The following DPYSL3 variants were observed in gnomAD, a reference collection of about 807,000 sequenced individuals.
DPYSL3 encodes dihydropyrimidinase like 3, also known as dihydropyrimidinase-related protein 3.
DPYSL3 carries 16 observed loss-of-function variants against 66.1 expected under a neutral mutation model. That is an observed-to-expected ratio of 0.24 (90% CI 0.16 to 0.37). The LOEUF (loss-of-function observed/expected upper bound fraction) is 0.37. Ranked by LOEUF, DPYSL3 falls within the 10% of genes least tolerant of loss-of-function variation. The pLI is 1.00. For synonymous variants in DPYSL3, 338 were observed against 345.1 expected (o/e 0.98, Z 0.23); for missense variants, 738 against 916.2 (o/e 0.81, Z 2.51).
intron 1 of DPYSL3, among the ~76,000 whole-genome samples, chr5:147,486,134 A>C (rs1241511388): frequency 6.6e-6 from 1 of 152,234 alleles, no homozygotes; most frequent in Non-Finnish European, 1.5e-5. Context: ...TTTATATAAA[A>C]TATCCAGAAT....
chr5:147,506,665 AC>A (rs952196861), intron 1 of DPYSL3, among the ~76,000 whole-genome samples: 13 of 152,182 alleles, frequency 8.5e-5, no homozygotes, highest in Non-Finnish European at 1.6e-4. Flanking sequence ...CATACATGTA[AC>A]GGGCATTAAA....
chr5:147,436,242 C>T (rs1752413379), intron 1 of DPYSL3, among the ~76,000 whole-genome samples: 1 of 152,056 alleles, frequency 6.6e-6, no homozygotes, highest in South Asian at 2.1e-4. Context: ...CAGCCCAGGC[C>T]CTGAATAGCC....
Position 147,475,561 on chromosome 5 carries a change from A to G in DPYSL3, c.381+33917T>C, listed in dbSNP as rs370351650. Among the ~76,000 whole-genome samples the G allele has an allele frequency of 5.3e-5, 8 of 152,282 alleles. No homozygotes were observed. In the East Asian group the frequency reaches 1.2e-3, roughly 22 times the overall value. ...GAAACAAAGATTAAAATCCTAAAAC[A>G]AATTGCTCAAAATGGAAAATTATTC... On this transcript the variant is annotated intron_variant, in intron 1 of 13. Coordinates refer to ENST00000343218, the MANE Select transcript of DPYSL3 (RefSeq NM_001197294.2).
chr5:147,462,263 CTG>C (rs1752944753), intron 1 of DPYSL3, among the ~76,000 whole-genome samples: 1 of 152,154 alleles, frequency 6.6e-6, no homozygotes, highest in Admixed American at 6.5e-5. Context: ...AACAGAAAAA[CTG>C]TACACATGAA....
At chr5:147,456,384 A>G (rs1752852780) in intron 1 of DPYSL3, among the ~76,000 whole-genome samples, 1 of 152,162 alleles carries the variant, frequency 6.6e-6, no homozygotes, top group Non-Finnish European at 1.5e-5. Flanking sequence ...GAAGATGTAG[A>G]AATAGACTTG....
At chr5:147,481,309 A>G (rs940603124) in intron 1 of DPYSL3, among the ~76,000 whole-genome samples, 1 of 152,218 alleles carries the variant, frequency 6.6e-6, no homozygotes, top group African/African-American at 2.4e-5. Flanking sequence ...CATATGATAG[A>G]ATACACTACA....
intron 1 of DPYSL3, among the ~76,000 whole-genome samples, chr5:147,497,289 T>C (rs946582113): frequency 6.6e-6 from 1 of 151,356 alleles, no homozygotes; most frequent in Non-Finnish European, 1.5e-5. Context: ...TTAGGAGATA[T>C]ACCTAATGCT....
chr5:147,503,537 T>A (rs1435215134), intron 1 of DPYSL3, among the ~76,000 whole-genome samples: 1 of 152,056 alleles, frequency 6.6e-6, no homozygotes, highest in African/African-American at 2.4e-5. Flanking sequence ...AAGCAATCCT[T>A]CTGCCTTGGC....
chr5:147,500,764 A>C lies in DPYSL3; in HGVS notation c.381+8714T>G, dbSNP rs370754787. On this transcript the variant is annotated intron_variant, in intron 1 of 13. Transcript: ENST00000343218. ...AAAATTGCAAATTAAAACAACAATG[A>C]GATACCACTACACACCTAGTAGAAT... is the stretch of plus-strand genomic sequence containing the variant. 1.6e-3 allele frequency among the ~76,000 whole-genome samples: 250 copies of C among 152,340 alleles called. 1 individual carries two copies. Among genetic ancestry groups the C allele is most frequent in the African/African-American group, 5.7e-3 (237 of 41,576 alleles).
At chr5:147,448,686 T>C (rs1752672345) in intron 1 of DPYSL3, among the ~76,000 whole-genome samples, 1 of 152,190 alleles carries the variant, frequency 6.6e-6, no homozygotes, top group Non-Finnish European at 1.5e-5. Context: ...ACTGAGGGTC[T>C]TGCCACATAG....
intron 1 of DPYSL3, among the ~76,000 whole-genome samples, chr5:147,495,194 G>A (rs981328360): frequency 1.3e-5 from 2 of 152,102 alleles, no homozygotes; most frequent in East Asian, 3.9e-4. Context: ...ATACTTCCCA[G>A]CTCCTTCTCT....
At chr5:147,496,230 T>C (rs370807223) in intron 1 of DPYSL3, among the ~76,000 whole-genome samples, 4 of 151,708 alleles carry the variant, frequency 2.6e-5, no homozygotes, top group African/African-American at 4.8e-5. Context: ...CTTCCTTACA[T>C]CTTATACAAA....
At chr5:147,456,033 G>A (rs1166188893) in intron 1 of DPYSL3, among the ~76,000 whole-genome samples, 1 of 152,100 alleles carries the variant, frequency 6.6e-6, no homozygotes, top group Non-Finnish European at 1.5e-5. Flanking sequence ...TTCTGGATCC[G>A]GCTGCTGTGA....
At chr5:147,450,990 A>C (rs1280940315) in intron 1 of DPYSL3, among the ~76,000 whole-genome samples, 1 of 152,250 alleles carries the variant, frequency 6.6e-6, no homozygotes, top group Non-Finnish European at 1.5e-5. Flanking sequence ...GCTGCACATG[A>C]ATATCTATGT....
At chr5:147,394,169 G>C in intron 13 of DPYSL3, 46 bp from the exon 14 acceptor site, 1 of 1,591,992 alleles carries the variant, frequency 6.3e-7, no homozygotes, top group Non-Finnish European at 8.6e-7. Context: ...AAACAGAGTG[G>C]CGGGTAGGGG....
intron 7 of DPYSL3, 91 bp downstream of exon 7, chr5:147,408,637 C>G (rs1751774491): frequency 2.9e-6 from 4 of 1,394,254 alleles, no homozygotes; most frequent in Non-Finnish European, 3.0e-6. Context: ...AAGAAATGTT[C>G]CAATACTGCA....
rs1477927002 is a variant in DPYSL3, at chr5:147,509,786, T to C, written c.73A>G (p.Thr25Ala). ...DLPVYLARPG[T>A]TDQVPRQKYG... ...TTCTGCCGCGGGACCTGGTCCGTGG[T>C]GCCCGGCCTGGCCAGGTACACGGGC... The change falls in exon 1 of 14, where the codon ACC (threonine) becomes GCC (alanine). Residue 25 changes from threonine (T) to alanine (A), a missense_variant. Physicochemically the swap from Thr to Ala is moderately conservative, Grantham distance 58. Coordinates refer to ENST00000343218, the MANE Select transcript of DPYSL3 (RefSeq NM_001197294.2). This position sits in a 1 kb window ranked among gnomAD's most constrained non-coding sequence, Gnocchi z 5.3. The C allele has an allele frequency of 1.3e-6, 2 of 1,535,876 alleles. No homozygotes were observed. Among genetic ancestry groups the C allele is most frequent in the African/African-American group, 2.7e-5 (2 of 73,054 alleles).
intron 13 of DPYSL3, 115 bp from the exon 14 acceptor site, chr5:147,394,238 C>T (rs1581167568): frequency 1.0e-6 from 1 of 998,538 alleles, no homozygotes; most frequent in East Asian, 2.6e-5. Flanking sequence ...AAGTGCCTTG[C>T]TGGCCTCACC....
At chr5:147,395,826 G>A (rs1757954770) in intron 12 of DPYSL3, 105 bp from the exon 13 acceptor site, 3 of 1,288,064 alleles carry the variant, frequency 2.3e-6, no homozygotes, top group Non-Finnish European at 3.2e-6. Context: ...TGGGAGCTAG[G>A]AATTAACAAT....
Sources: gnomAD v4.1 joint callset for allele counts (sites outside exome capture counted in the v4.1 genomes callset) on GRCh38, gnomAD v4.1.1 for gene constraint, Gnocchi (gnomAD v3.1) non-coding constraint, MANE v1.5 for transcripts, NCBI Gene and HGNC (gene_info 2026-07-23, HGNC 2026-07-21) for gene names.